Variants in CHSY3 observed in about 807,000 individuals in gnomAD.
CHSY3 encodes N-acetylgalactosaminyl-proteoglycan 3-beta-glucuronosyltransferase 3.
A neutral mutation model predicts 67.2 loss-of-function variants in CHSY3; 35 were observed. That is an observed-to-expected ratio of 0.52 (90% CI 0.40 to 0.69). The LOEUF (loss-of-function observed/expected upper bound fraction) is 0.69, where lower values mean the gene tolerates loss of function less well. Ranked by LOEUF, CHSY3 falls within the 30% of genes least tolerant of loss-of-function variation. CHSY3 has a pLI of 0.00. For synonymous variants in CHSY3, 474 were observed against 434.7 expected (o/e 1.09, Z -1.12); for missense variants, 1,069 against 1,138.5 (o/e 0.94, Z 0.88).
intron 2 of CHSY3, among the ~76,000 whole-genome samples, chr5:130,114,145 T>G (rs1390470447): frequency 6.6e-6 from 1 of 152,174 alleles, no homozygotes; most frequent in South Asian, 2.1e-4. Context: ...AATGCAGTGA[T>G]TATTGAGCCT....
chr5:130,148,100 T>C (rs1376555495), intron 2 of CHSY3, among the ~76,000 whole-genome samples: 2 of 152,170 alleles, frequency 1.3e-5, no homozygotes, highest in Non-Finnish European at 2.9e-5. Context: ...TATACGTACG[T>C]ACATGTGTTC....
At chr5:130,035,946 A>G (rs968039711) in intron 2 of CHSY3, among the ~76,000 whole-genome samples, 13 of 135,710 alleles carry the variant, frequency 9.6e-5, no homozygotes, top group South Asian at 2.3e-4. Flanking sequence ...ATGAGCATCA[A>G]TGTGTGAGGT....
At chr5:130,059,470 T>C (rs1354269074) in intron 2 of CHSY3, among the ~76,000 whole-genome samples, 1 of 149,128 alleles carries the variant, frequency 6.7e-6, no homozygotes, top group African/African-American at 2.5e-5. Flanking sequence ...ATCTACCTCC[T>C]TATTTCCATC....
chr5:129,968,157 G>T (rs1327416208), intron 2 of CHSY3, among the ~76,000 whole-genome samples: 4 of 151,734 alleles, frequency 2.6e-5, no homozygotes, highest in Admixed American at 2.0e-4. Flanking sequence ...TACTGTTGGG[G>T]AATCTAAATT....
At position 130,093,549 on chromosome 5, in the gene CHSY3, G is replaced by A. The variant is rs181389278; in HGVS notation, c.1087-90680G>A. ...TGTTGCATACTTATTTATACTAGAT[G>A]CTTCATATGCTTGAATTTGCTTACT... On this transcript the variant is annotated intron_variant, in intron 2 of 2. Transcript: ENST00000305031. Among the ~76,000 whole-genome samples the A allele has an allele frequency of 1.4e-3, 211 of 152,184 alleles. 4 individuals are homozygous for A. The highest frequency in any genetic ancestry group is 6.8e-3 in the Middle Eastern group (2 of 294).
At chr5:130,140,693 A>T in intron 2 of CHSY3, 1 of 314,540 alleles carries the variant, frequency 3.2e-6, no homozygotes, top group Non-Finnish European at 5.8e-6. Flanking sequence ...AGCCATAGCC[A>T]CCCACTTGGG....
In CHSY3 at chr5:130,184,539, G is replaced by A. The variant is rs1247819573; in HGVS notation, c.1397G>A (p.Trp466Ter). Residue 466 changes from tryptophan to a stop codon, truncating the protein, a stop_gained, in exon 3 of 3, where the codon TGG (tryptophan) becomes TAG (stop). Transcript: ENST00000305031. LOFTEE classifies it high-confidence loss of function. The part of the protein sequence containing the change: ...QPRERNEVIE[W>*]EFLTGKLLYS... ...CGGGAGAGAAATGAAGTGATAGAAT[G>A]GGAGTTCCTGACAGGGAAGCTTCTA... 1 of 1,609,516 alleles carries A rather than the reference G, an allele frequency of 6.2e-7. No homozygotes were observed. The highest frequency in any genetic ancestry group is 1.3e-5 in the African/African-American group (1 of 74,810).
chr5:130,120,824 G>A (rs148350932), intron 2 of CHSY3, among the ~76,000 whole-genome samples: 5 of 152,144 alleles, frequency 3.3e-5, no homozygotes, highest in South Asian at 2.1e-4. Flanking sequence ...GGGACACACC[G>A]TAAAAGCTGG....
At chr5:130,060,212 G>T (rs7730539) in intron 2 of CHSY3, among the ~76,000 whole-genome samples, 71,904 of 151,914 alleles carry the variant, frequency 0.47, 17,588 homozygotes, top group African/African-American at 0.6. Context: ...AAAAGATAAT[G>T]TACCACAATC....
chr5:130,163,486 T>G (rs1769623023), intron 2 of CHSY3, among the ~76,000 whole-genome samples: 1 of 152,182 alleles, frequency 6.6e-6, no homozygotes. Flanking sequence ...TCCCTTCAAC[T>G]TCTGGACCTT....
intron 2 of CHSY3, among the ~76,000 whole-genome samples, chr5:130,084,390 A>C (rs1468547840): frequency 1.3e-5 from 2 of 151,948 alleles, no homozygotes; most frequent in African/African-American, 4.8e-5. Context: ...TCATTCCACA[A>C]TGTAGACATG....
chr5:129,980,903 C>G lies in CHSY3; in HGVS notation c.1086+72543C>G, dbSNP rs552200045. Among the ~76,000 whole-genome samples the G allele has an allele frequency of 2.6e-5, 4 of 152,150 alleles. No homozygotes were observed. The South Asian group carries it at 8.3e-4, about 32-fold the overall frequency. Reference sequence around the variant, plus strand: ...AACCATGTTTGCTATATTGTACTGCCTTTGCTCCTTAGTCAAAGATCGGCC... The same window carrying G: ...AACCATGTTTGCTATATTGTACTGCGTTTGCTCCTTAGTCAAAGATCGGCC... On this transcript the variant is annotated intron_variant, in intron 2 of 2. Transcript: ENST00000305031.
At chr5:129,921,097 G>A (rs534556964) in intron 2 of CHSY3, among the ~76,000 whole-genome samples, 1 of 152,300 alleles carries the variant, frequency 6.6e-6, no homozygotes, top group African/African-American at 2.4e-5. Flanking sequence ...TAAGATTATA[G>A]GCGTGAACCA....
chr5:129,930,507 G>T lies in CHSY3; in HGVS notation c.1086+22147G>T, dbSNP rs199928991. On this transcript the variant is annotated intron_variant, in intron 2 of 2. Coordinates refer to ENST00000305031, the MANE Select transcript of CHSY3 (RefSeq NM_175856.5). ...AGATGTTTAAAAGGAGGCATCACTG[G>T]CGGGGGGGGGGTATGAAGTTTTGCC... is the stretch of plus-strand genomic sequence containing the variant. 2.5e-3 allele frequency among the ~76,000 whole-genome samples: 295 copies of T among 119,316 alleles called. 2 individuals carry two copies. Among genetic ancestry groups the T allele is most frequent in the Non-Finnish European group, 4.0e-3 (235 of 58,848 alleles). 78.3% of individuals were successfully genotyped at this position (119,316 alleles called of 152,430 possible).
At chr5:129,967,611 A>G (rs1762506414) in intron 2 of CHSY3, among the ~76,000 whole-genome samples, 1 of 151,864 alleles carries the variant, frequency 6.6e-6, no homozygotes, top group South Asian at 2.1e-4. Context: ...ACTTTCATTA[A>G]GACTGAATTG....
At chr5:129,982,947 A>G (rs1763064483) in intron 2 of CHSY3, among the ~76,000 whole-genome samples, 2 of 152,232 alleles carry the variant, frequency 1.3e-5, no homozygotes, top group South Asian at 4.1e-4. Flanking sequence ...TAATTGCTCA[A>G]TACATGGTGG....
At chr5:129,994,476 T>C (rs576110715) in intron 2 of CHSY3, among the ~76,000 whole-genome samples, 63 of 152,306 alleles carry the variant, frequency 4.1e-4, no homozygotes, top group African/African-American at 1.5e-3. Context: ...CTTCCATCAC[T>C]GATACCCTTT....
rs201037524 is a variant in CHSY3 at position 130,184,528 on chromosome 5, A to T, written c.1386A>T (p.Glu462Asp). Residue 462 changes from glutamate to aspartate, a missense_variant, in exon 3 of 3, where the codon GAA becomes GAT. Glu to Asp is a conservative substitution (Grantham distance 45). This residue lies in a region of CHSY3 where 401 missense variants were observed against 395.2 expected (regional missense o/e 1.01). Transcript: ENST00000305031. ...FNHFQPRERN[E>D]VIEWEFLTGK... ...ACTTCCAGCCTCGGGAGAGAAATGAAGTGATAGAATGGGAGTTCCTGACAG... is the reference window on the plus strand; with the variant it reads ...ACTTCCAGCCTCGGGAGAGAAATGATGTGATAGAATGGGAGTTCCTGACAG... The T allele has an allele frequency of 6.2e-7, 1 of 1,610,590 alleles. No homozygotes were observed. The highest frequency in any genetic ancestry group is 8.5e-7 in the Non-Finnish European group (1 of 1,176,896).
chr5:130,061,581 G>A (rs373995790), intron 2 of CHSY3, among the ~76,000 whole-genome samples: 2 of 152,184 alleles, frequency 1.3e-5, no homozygotes, highest in South Asian at 4.1e-4. Flanking sequence ...AAAAGCTTCT[G>A]CACAGCAAAA....
Sources: gnomAD v4.1 joint callset for allele counts (sites outside exome capture counted in the v4.1 genomes callset) on GRCh38, gnomAD v4.1.1 for gene constraint, gnomAD v4.1.1 regional missense constraint, MANE v1.5 for transcripts, NCBI Gene and HGNC (gene_info 2026-07-23, HGNC 2026-07-21) for gene names.